The following TXNDC12 variants were observed in gnomAD, a reference collection of about 807,000 sequenced individuals.
TXNDC12 encodes the protein thioredoxin domain containing 12, also known as thioredoxin domain-containing protein 12.
TXNDC12 carries 22 observed loss-of-function variants against 24.2 expected under a neutral mutation model. The ratio of observed to expected loss-of-function variants is 0.91; its 90% CI spans 0.65 to 1.30. TXNDC12 has a LOEUF of 1.30. Ranked by LOEUF, TXNDC12 falls within the 50% of genes most tolerant of loss-of-function variation. TXNDC12 has a pLI of 0.00. For missense variants in TXNDC12, 184 were observed against 205.8 expected (o/e 0.89, Z 0.65); for synonymous variants, 58 against 73.4 (o/e 0.79, Z 1.07).
rs144575218 is a variant in TXNDC12, at chr1:52,033,427, C to T, written c.159-4797G>A. ...CGCCACCTGAGGTCCCGCGATCGGG[C>T]CGCCGGGCCGTACGCAGTAGACCAG... On this transcript the variant is annotated intron_variant, in intron 2 of 6. Coordinates refer to ENST00000371626, the MANE Select transcript of TXNDC12 (RefSeq NM_015913.4). 2,960 of 1,610,664 alleles carry T rather than the reference C, an allele frequency of 1.8e-3. 3 individuals carry two copies. The highest frequency in any genetic ancestry group is 2.3e-3 in the Non-Finnish European group (2,721 of 1,177,860).
intron 2 of TXNDC12, among the ~76,000 whole-genome samples, chr1:52,037,602 T>C (rs1685908550): frequency 6.6e-6 from 1 of 152,308 alleles, no homozygotes; most frequent in South Asian, 2.1e-4. Context: ...CTTTAAAAGG[T>C]AGTCTCTTAC....
intron 6 of TXNDC12, 136 bp from the exon 7 acceptor site, chr1:52,021,148 T>G: frequency 1.5e-6 from 1 of 649,800 alleles, no homozygotes; most frequent in Non-Finnish European, 2.7e-6. Flanking sequence ...AGCTCTGGAT[T>G]TTGGCCCTGG....
chr1:52,050,527 TAA>T, intron 1 of TXNDC12, among the ~76,000 whole-genome samples: 1 of 152,312 alleles, frequency 6.6e-6, no homozygotes, highest in Non-Finnish European at 1.5e-5. Flanking sequence ...GAATGTAAGC[TAA>T]AGACATCTGA....
At chr1:52,036,931 C>G (rs913949692) in intron 2 of TXNDC12, among the ~76,000 whole-genome samples, 8 of 152,336 alleles carry the variant, frequency 5.3e-5, no homozygotes, top group African/African-American at 1.9e-4. Context: ...GTCATAAACC[C>G]TGTGAAGTCT....
intron 2 of TXNDC12, among the ~76,000 whole-genome samples, chr1:52,039,651 G>A (rs565504332): frequency 5.3e-5 from 8 of 152,240 alleles, no homozygotes; most frequent in Middle Eastern, 3.4e-3. Flanking sequence ...GTTATACTGC[G>A]ATACGCAATA....
At chr1:52,047,608 AAGAG>A (rs1210175280) in intron 1 of TXNDC12, among the ~76,000 whole-genome samples, 2 of 152,286 alleles carry the variant, frequency 1.3e-5, no homozygotes, top group East Asian at 1.9e-4. Flanking sequence ...TTAAAAAAGA[AAGAG>A]AGAGAGAACT....
At chr1:52,023,440 C>A (rs780322224) in intron 6 of TXNDC12, 51 bp downstream of exon 6, 2 of 1,434,286 alleles carry the variant, frequency 1.4e-6, no homozygotes, top group South Asian at 1.1e-5. Context: ...GCATGTGGTT[C>A]ATCCTAGTTC....
At chr1:52,021,091 G>A (rs1685589386) in intron 6 of TXNDC12, 79 bp from the exon 7 acceptor site, 4 of 1,092,514 alleles carry the variant, frequency 3.7e-6, no homozygotes, top group South Asian at 1.3e-5. Flanking sequence ...ACTTTTAAAT[G>A]TTTCAGAAGA....
In TXNDC12 at chr1:52,028,589, C is replaced by A. The variant is rs774549803; in HGVS notation, c.200G>T (p.Gly67Val). 9 of 1,612,672 alleles carry A rather than the reference C, an allele frequency of 5.6e-6. No homozygotes were observed. Among genetic ancestry groups the A allele is most frequent in the South Asian group, 2.2e-5 (2 of 90,530 alleles). The stretch of plus-strand genomic sequence containing the variant: ...GCATTTGCACTTACCTTTGCAAGCT[C>A]CACACCAGGATTTATGAATAATCAC... The part of the protein sequence containing the change: ...LMVIIHKSWC[G>V]ACKALKPKFA... The change falls in exon 3 of 7, where the codon GGA becomes GTA. Residue 67 changes from glycine to valine, a missense_variant. Gly to Val is a moderately radical substitution (Grantham distance 109). Transcript: ENST00000371626.
intron 1 of TXNDC12, among the ~76,000 whole-genome samples, chr1:52,044,936 C>T (rs970960823): frequency 4.0e-5 from 6 of 151,562 alleles, no homozygotes; most frequent in Non-Finnish European, 8.8e-5. Flanking sequence ...GATCACGCCA[C>T]CACACTCCAG....
intron 2 of TXNDC12, among the ~76,000 whole-genome samples, chr1:52,031,679 C>T (rs183726087): frequency 4.3e-4 from 65 of 151,986 alleles, no homozygotes; most frequent in Non-Finnish European, 4.3e-4. Context: ...TTAATAGAGA[C>T]GAGGTTTTGC....
At chr1:52,025,564 A>G (rs1685660365) in intron 4 of TXNDC12, among the ~76,000 whole-genome samples, 1 of 152,208 alleles carries the variant, frequency 6.6e-6, no homozygotes, top group African/African-American at 2.4e-5. Context: ...AGAATCCTCT[A>G]TGAAGACGTT....
intron 2 of TXNDC12, among the ~76,000 whole-genome samples, chr1:52,031,380 G>C (rs1380595948): frequency 6.6e-6 from 1 of 151,888 alleles, no homozygotes; most frequent in Non-Finnish European, 1.5e-5. Flanking sequence ...GGCTGGTCTT[G>C]AACACCTGAC....
At chr1:52,041,812 C>T (rs1685997571) in intron 1 of TXNDC12, among the ~76,000 whole-genome samples, 1 of 152,220 alleles carries the variant, frequency 6.6e-6, no homozygotes, top group Non-Finnish European at 1.5e-5. Flanking sequence ...CCACCTAATT[C>T]ACAGTTTCAA....
intron 2 of TXNDC12, among the ~76,000 whole-genome samples, chr1:52,029,360 A>T (rs1685720043): frequency 6.6e-6 from 1 of 152,178 alleles, no homozygotes. Flanking sequence ...CTACATCTGT[A>T]TTTCATGATT....
chr1:52,032,559 A>G (rs1685782385), intron 2 of TXNDC12: 1 of 1,409,044 alleles, frequency 7.1e-7, no homozygotes, highest in Non-Finnish European at 9.2e-7. Context: ...GGTATGCAGG[A>G]AAGTTTGAGT....
intron 1 of TXNDC12, among the ~76,000 whole-genome samples, chr1:52,046,975 G>A (rs1352163422): frequency 3.3e-5 from 5 of 151,158 alleles, no homozygotes; most frequent in East Asian, 3.9e-4. Context: ...CTTGGGAGGC[G>A]AAGGTTGCAG....
intron 2 of TXNDC12, among the ~76,000 whole-genome samples, chr1:52,029,081 C>G (rs1685716585): frequency 6.6e-6 from 1 of 152,086 alleles, no homozygotes; most frequent in Admixed American, 6.6e-5. Context: ...TGAGCTGAGA[C>G]CGCACCACTA....
At chr1:52,037,159 T>C (rs1685896927) in intron 2 of TXNDC12, among the ~76,000 whole-genome samples, 1 of 151,888 alleles carries the variant, frequency 6.6e-6, no homozygotes, top group Non-Finnish European at 1.5e-5. Flanking sequence ...TATCACCCCC[T>C]GATGTAGTAG....
Sources: gnomAD v4.1 joint callset for allele counts (sites outside exome capture counted in the v4.1 genomes callset) on GRCh38, gnomAD v4.1.1 for gene constraint, MANE v1.5 for transcripts, NCBI Gene and HGNC (gene_info 2026-07-23, HGNC 2026-07-21) for gene names.